Variants in RUFY2 observed in about 807,000 individuals in gnomAD.
RUFY2 encodes the protein RUN and FYVE domain containing 2, also known as RUN and FYVE domain-containing protein 2.
RUFY2 carries 49 observed loss-of-function variants against 94.4 expected under a neutral mutation model. The ratio of observed to expected loss-of-function variants is 0.52; its 90% CI spans 0.41 to 0.66. The LOEUF (loss-of-function observed/expected upper bound fraction) is 0.66. RUFY2 is among the 30% of genes least tolerant of loss of function. The pLI, the probability that RUFY2 is intolerant of heterozygous loss-of-function variation, is 0.00. For synonymous variants in RUFY2, 255 were observed against 235.7 expected (o/e 1.08, Z -0.75); for missense variants, 541 against 692.8 (o/e 0.78, Z 2.46).
At chr10:68,355,323 C>T (rs553090568) in intron 16 of RUFY2, 30 bp downstream of exon 16, 1 of 1,552,636 alleles carries the variant, frequency 6.4e-7, no homozygotes, top group Non-Finnish European at 8.9e-7. Flanking sequence ...TTTCACATAC[C>T]TTCCCACTTT....
At chr10:68,398,892 T>C (rs2050601301) in intron 3 of RUFY2, among the ~76,000 whole-genome samples, 1 of 152,208 alleles carries the variant, frequency 6.6e-6, no homozygotes, top group African/African-American at 2.4e-5. Flanking sequence ...TAACAAAATA[T>C]GAATACATAT....
intron 2 of RUFY2, among the ~76,000 whole-genome samples, chr10:68,404,252 A>G (rs1275857637): frequency 1.3e-5 from 2 of 152,182 alleles, no homozygotes; most frequent in African/African-American, 2.4e-5. Context: ...CATCCAGAAG[A>G]TATTTCTACA....
At chr10:68,374,114 C>CAAAAAAAAAAAAAAAAAAA (rs34041522) in intron 13 of RUFY2, among the ~76,000 whole-genome samples, 1 of 59,340 alleles carries the variant, frequency 1.7e-5, no homozygotes, top group Non-Finnish European at 2.9e-5. Context: ...GATCCTGTCC[C>CAAAAAAAAAAAAAAAAAAA]AAAAAAAAAA....
rs1005989128 is a variant in RUFY2, at chr10:68,344,404, A to G, written c.*1364T>C. The G allele has an allele frequency of 5.9e-5, 9 of 152,314 alleles. No homozygotes were observed. Among genetic ancestry groups the G allele is most frequent in the African/African-American group, 2.2e-4 (9 of 41,570 alleles). 9.4% of individuals were successfully genotyped at this position (152,314 alleles called of 1,614,324 possible). A position where few individuals can be genotyped will look rare whatever the true frequency, so the allele number is the denominator to read the frequency against. On this transcript the variant is annotated 3_prime_UTR_variant, in exon 18 of 18. Coordinates refer to ENST00000602465, the MANE Select transcript of RUFY2 (RefSeq NM_001330103.2). ...CACAAACTTAAAGTGCATGGTTAAA[A>G]ATTAATGTAAAAAATAGGATACTGA...
intron 15 of RUFY2, among the ~76,000 whole-genome samples, chr10:68,363,138 T>C (rs990995412): frequency 6.6e-6 from 1 of 152,232 alleles, no homozygotes; most frequent in African/African-American, 2.4e-5. Context: ...AAAATCTCTC[T>C]AGTCTAGTCT....
intron 7 of RUFY2, among the ~76,000 whole-genome samples, chr10:68,389,372 C>A (rs919319666): frequency 4.0e-5 from 6 of 150,322 alleles, no homozygotes; most frequent in Non-Finnish European, 5.9e-5. Context: ...GTGGGTGGAT[C>A]ACGAAGTCAG....
intron 15 of RUFY2, among the ~76,000 whole-genome samples, chr10:68,363,227 T>C (rs1408438350): frequency 6.6e-6 from 1 of 152,174 alleles, no homozygotes; most frequent in Non-Finnish European, 1.5e-5. Flanking sequence ...GAGTCTTGCT[T>C]TGTCGCCAGG....
At chr10:68,390,397 G>T (rs917176800) in intron 7 of RUFY2, among the ~76,000 whole-genome samples, 11 of 152,048 alleles carry the variant, frequency 7.2e-5, no homozygotes, top group African/African-American at 2.4e-4. Flanking sequence ...ATCACCCAGA[G>T]AATATTTTAC....
Position 68,376,440 on chromosome 10 carries a change from GTGTATATATATATATATATATATA to G in RUFY2, c.1325+389_1325+412del, listed in dbSNP as rs1434202311. ...GTGAAACTTCATCTCAAAAAAATGT[GTGTATATATATATATATATATATA>G]TATATATATATATATATATATATAT... On this transcript the variant is annotated intron_variant, in intron 13 of 17. Coordinates refer to ENST00000602465, the MANE Select transcript of RUFY2 (RefSeq NM_001330103.2). Among the ~76,000 whole-genome samples, 147 of 48,266 alleles carry G rather than the reference GTGTATATATATATATATATATATA, an allele frequency of 3.0e-3. 3 individuals carry two copies. The highest frequency in any genetic ancestry group is 6.0e-3 in the African/African-American group (121 of 20,256). The allele number at this position is 48,266 out of a possible 152,430, so 31.7% of individuals were successfully genotyped here.
intron 7 of RUFY2, among the ~76,000 whole-genome samples, chr10:68,390,518 A>G (rs1376691220): frequency 6.6e-6 from 1 of 152,194 alleles, no homozygotes; most frequent in East Asian, 1.9e-4. Context: ...TGTGGCTACT[A>G]AACACTTAAA....
downstream of RUFY2, chr10:68,342,212 T>C: frequency 1.8e-6 from 1 of 552,624 alleles, no homozygotes; most frequent in Non-Finnish European, 3.2e-6. Context: ...GATGGGAAAA[T>C]GTTTTCTGTA....
At chr10:68,380,120 T>G (rs2048949695) in intron 11 of RUFY2, among the ~76,000 whole-genome samples, 1 of 151,932 alleles carries the variant, frequency 6.6e-6, no homozygotes, top group African/African-American at 2.4e-5. Flanking sequence ...TTTTTTTTTT[T>G]TTTAAGATGG....
chr10:68,361,285 GAAAA>G (rs1049439271), intron 15 of RUFY2, among the ~76,000 whole-genome samples: 2 of 150,476 alleles, frequency 1.3e-5, no homozygotes, highest in Non-Finnish European at 3.0e-5. Flanking sequence ...CTCTCAAAGA[GAAAA>G]AAAAAGTATT....
At chr10:68,405,234 A>AC (rs1404038558) in intron 1 of RUFY2, among the ~76,000 whole-genome samples, 7 of 149,600 alleles carry the variant, frequency 4.7e-5, no homozygotes, top group African/African-American at 1.5e-4. Flanking sequence ...AGTCACTTGA[A>AC]CCCAGGAGGC....
intron 13 of RUFY2, among the ~76,000 whole-genome samples, chr10:68,369,582 G>A (rs2048111568): frequency 6.6e-6 from 1 of 151,890 alleles, no homozygotes; most frequent in Admixed American, 6.6e-5. Flanking sequence ...TGAATTAACA[G>A]GTTAATGGAC....
At chr10:68,376,489 T>TATATATATATATC (rs58358117) in intron 13 of RUFY2, among the ~76,000 whole-genome samples, 40 of 51,814 alleles carry the variant, frequency 7.7e-4, no homozygotes, top group Non-Finnish European at 1.2e-3. Context: ...TATATATATA[T>TATATATATATATC]ATTCTCAGAA....
chr10:68,380,630 G>C (rs1377931263), intron 11 of RUFY2, among the ~76,000 whole-genome samples: 3 of 152,152 alleles, frequency 2.0e-5, no homozygotes, highest in African/African-American at 7.2e-5. Flanking sequence ...GGGAGGCCGA[G>C]GTGGGCGGAT....
rs142178556 is a variant in RUFY2 at position 68,375,835 on chromosome 10, C to T, written c.1325+1018G>A. 2.0e-5 allele frequency among the ~76,000 whole-genome samples: 3 copies of T among 151,436 alleles called. No individual in the cohort carries two copies. In the East Asian group the frequency reaches 5.8e-4, roughly 29 times the overall value. ...AAAGTTCGCCAGGCACAGTGGCTCA[C>T]GCCTGTAATCCTAGCACTCTGGGAG... On this transcript the variant is annotated intron_variant, in intron 13 of 17. Transcript: ENST00000602465.
At chr10:68,393,266 C>A in intron 6 of RUFY2, 63 bp from the exon 7 acceptor site, 2 of 730,480 alleles carry the variant, frequency 2.7e-6, no homozygotes, top group African/African-American at 1.9e-5. Flanking sequence ...ACAAAAAAAT[C>A]TAAATCATCT....
Sources: gnomAD v4.1 joint callset for allele counts (sites outside exome capture counted in the v4.1 genomes callset) on GRCh38, gnomAD v4.1.1 for gene constraint, MANE v1.5 for transcripts, NCBI Gene and HGNC (gene_info 2026-07-23, HGNC 2026-07-21) for gene names.